The following NANOS1 variants were observed in gnomAD, a reference collection of about 807,000 sequenced individuals.
NANOS1 encodes the protein nanos homolog 1.
Under a neutral mutation model 1.1 loss-of-function variants are expected in NANOS1, and 1 was observed. That is an observed-to-expected ratio of 0.88 (90% CI 0.31 to 4.20). NANOS1 has a LOEUF of 4.20. Among genes scored for constraint, NANOS1 ranks in the 30% most tolerant of loss-of-function variants. The pLI, the probability that NANOS1 is intolerant of heterozygous loss-of-function variation, is 0.17. For synonymous variants in NANOS1, 252 were observed against 230.6 expected (o/e 1.09, Z -0.84); for missense variants, 537 against 457.9 (o/e 1.17, Z -1.58).
Position 119,033,066 on chromosome 10 carries a change from G to A in NANOS1, c.*2386G>A. ...CAAAAATTAGCCGGGTGGTGTGGTG[G>A]GCGCCTGTAATCCCAGCTCCTCAGG... On this transcript the variant is annotated 3_prime_UTR_variant, in exon 1 of 1. Coordinates refer to ENST00000425699, the MANE Select transcript of NANOS1 (RefSeq NM_199461.4). 1 of 165,382 alleles carries A rather than the reference G, an allele frequency of 6.0e-6. No individual in the cohort carries two copies. The allele number at this position is 165,382 out of a possible 1,614,324, so 10.2% of individuals were successfully genotyped here.
At position 119,031,748 on chromosome 10, in the gene NANOS1, A is replaced by G; in HGVS notation, c.*1068A>G. On this transcript the variant is annotated 3_prime_UTR_variant, in exon 1 of 1. Coordinates refer to ENST00000425699, the MANE Select transcript of NANOS1 (RefSeq NM_199461.4). ...TCTAGCTCTGAGCTATTCGTGTATT[A>G]ACTCGTATTCAAGAAGGTTCCACCG... The G allele has an allele frequency of 6.0e-6, 1 of 167,212 alleles. No homozygotes were observed. 10.4% of individuals were successfully genotyped at this position (167,212 alleles called of 1,614,324 possible).
At position 119,030,575 on chromosome 10, in the gene NANOS1, C is replaced by G. The variant is rs774022234; in HGVS notation, c.774C>G (p.Asn258Lys). The G allele has an allele frequency of 1.4e-5, 21 of 1,528,430 alleles. No homozygotes were observed. The highest frequency in any genetic ancestry group is 1.7e-5 in the Non-Finnish European group (19 of 1,142,626). 94.7% of individuals were successfully genotyped at this position (1,528,430 alleles called of 1,614,324 possible). The change falls in exon 1 of 1, where the codon AAC becomes AAG. Residue 258 changes from asparagine to lysine, a missense_variant. Transcript: ENST00000425699. This position sits in a 1 kb window ranked among gnomAD's most constrained non-coding sequence, Gnocchi z 5.3. ...CCCTGTGCGGCGCCAGCGGCGACAACGCGCACACCATCAAGTACTGCCCGC... is the reference window on the plus strand; with the variant it reads ...CCCTGTGCGGCGCCAGCGGCGACAAGGCGCACACCATCAAGTACTGCCCGC... ...TCPLCGASGD[N>K]AHTIKYCPLS... is the part of the protein sequence containing the mutation.
At position 119,030,625 on chromosome 10, in the gene NANOS1, C is replaced by CCCGCCCG; in HGVS notation, c.831_837dup (p.Arg280AlafsTer62). On this transcript the variant is annotated frameshift_variant, in exon 1 of 1. Transcript: ENST00000425699. LOFTEE classifies it high-confidence loss of function. The surrounding 1 kb of genome is among the most constrained non-coding windows in gnomAD (Gnocchi z 5.3). ...CTCTCCAAAGTGCCGCCGCCGCCCG[C>CCCGCCCG]CCGCCCGCCGCCCCGCAGCGCCAGG... The CCCGCCCG allele has an allele frequency of 6.9e-7, 1 of 1,458,786 alleles. No individual in the cohort carries two copies. The highest frequency in any genetic ancestry group is 9.0e-7 in the Non-Finnish European group (1 of 1,105,456). The allele number at this position is 1,458,786 out of a possible 1,614,324, so 90.4% of individuals were successfully genotyped here.
Position 119,033,252 on chromosome 10 carries a change from C to T in NANOS1, c.*2572C>T, listed in dbSNP as rs1405531085. The T allele has an allele frequency of 6.0e-6, 1 of 167,048 alleles. No homozygotes were observed. The highest frequency in any genetic ancestry group is 2.4e-5 in the African/African-American group (1 of 41,440). The allele number at this position is 167,048 out of a possible 1,614,324, so 10.3% of individuals were successfully genotyped here. On this transcript the variant is annotated 3_prime_UTR_variant, in exon 1 of 1. Coordinates refer to ENST00000425699, the MANE Select transcript of NANOS1 (RefSeq NM_199461.4). ...CTGTGCCAAATTTGCCTAGGTTTTC[C>T]AGCTGACAATGAATACTGGGAGTTA...
chr10:119,033,669 CTT>C lies in NANOS1; in HGVS notation c.*2992_*2993del, dbSNP rs1436698734. 1.2e-5 allele frequency: 2 copies of C among 166,444 alleles called. No homozygotes were observed. The highest frequency in any genetic ancestry group is 4.8e-5 in the African/African-American group (2 of 41,444). 10.3% of individuals were successfully genotyped at this position (166,444 alleles called of 1,614,324 possible). ...GAATTATTAGCTTTGATGAGAACAA[CTT>C]TTGTCATAGATTTGATTTATTAAAC... On this transcript the variant is annotated 3_prime_UTR_variant, in exon 1 of 1. Coordinates refer to ENST00000425699, the MANE Select transcript of NANOS1 (RefSeq NM_199461.4).
rs963882180 is a variant in NANOS1, at chr10:119,032,586, G to C, written c.*1906G>C. ...TGCTCGTGTTCTGCCTTTTCAAAAG[G>C]ACCACTATGAACAGATCAGCGCATT... On this transcript the variant is annotated 3_prime_UTR_variant, in exon 1 of 1. Coordinates refer to ENST00000425699, the MANE Select transcript of NANOS1 (RefSeq NM_199461.4). The C allele has an allele frequency of 6.0e-6, 1 of 167,034 alleles. No individual in the cohort carries two copies. Among genetic ancestry groups the C allele is most frequent in the Admixed American group, 6.5e-5 (1 of 15,278 alleles). The allele number at this position is 167,034 out of a possible 1,614,324, so 10.3% of individuals were successfully genotyped here.
rs891813962 is a variant in NANOS1 at position 119,030,970 on chromosome 10, GTTTA to G, written c.*295_*298del. 11 of 332,892 alleles carry G rather than the reference GTTTA, an allele frequency of 3.3e-5. No homozygotes were observed. Among genetic ancestry groups the G allele is most frequent in the African/African-American group, 1.7e-4 (8 of 45,968 alleles). 20.6% of individuals were successfully genotyped at this position (332,892 alleles called of 1,614,324 possible). On this transcript the variant is annotated 3_prime_UTR_variant, in exon 1 of 1. Coordinates refer to ENST00000425699, the MANE Select transcript of NANOS1 (RefSeq NM_199461.4). The surrounding 1 kb of genome is among the most constrained non-coding windows in gnomAD (Gnocchi z 5.3). ...TGAAATATGGCAACTTAGAGGCGCT[GTTTA>G]TTTACTGTATACGTCGACCTATTTT...
rs1211705470 is a variant in NANOS1 at position 119,032,360 on chromosome 10, G to A, written c.*1680G>A. 2 of 166,926 alleles carry A rather than the reference G, an allele frequency of 1.2e-5. No individual in the cohort carries two copies. The highest frequency in any genetic ancestry group is 4.8e-5 in the African/African-American group (2 of 41,466). The allele number at this position is 166,926 out of a possible 1,614,324, so 10.3% of individuals were successfully genotyped here. A position where few individuals can be genotyped will look rare whatever the true frequency, so the allele number is the denominator to read the frequency against. On this transcript the variant is annotated 3_prime_UTR_variant, in exon 1 of 1. Coordinates refer to ENST00000425699, the MANE Select transcript of NANOS1 (RefSeq NM_199461.4). ...AGCACAATGTTTCTTAGCCAGGAAA[G>A]ACAAATAATCCAACGCTGCTAGTCT...
At position 119,030,578 on chromosome 10, in the gene NANOS1, G is replaced by T; in HGVS notation, c.777G>T (p.Ala259=). ...CPLCGASGDN[A]HTIKYCPLSK... is the part of the protein sequence containing the mutation. ...TGTGCGGCGCCAGCGGCGACAACGC[G>T]CACACCATCAAGTACTGCCCGCTCT... Residue 259 remains alanine, a synonymous_variant, in exon 1 of 1, where the codon GCG becomes GCT. Transcript: ENST00000425699. This position sits in a 1 kb window ranked among gnomAD's most constrained non-coding sequence, Gnocchi z 5.3. The T allele has an allele frequency of 2.0e-6, 3 of 1,527,788 alleles. No homozygotes were observed. Among genetic ancestry groups the T allele is most frequent in the Non-Finnish European group, 1.8e-6 (2 of 1,142,146 alleles). The allele number at this position is 1,527,788 out of a possible 1,614,324, so 94.6% of individuals were successfully genotyped here. A position where few individuals can be genotyped will look rare whatever the true frequency, so the allele number is the denominator to read the frequency against.
In NANOS1 at chr10:119,031,843, G is replaced by A. The variant is rs1393003416; in HGVS notation, c.*1163G>A. ...AAGCACTAATTAAAGGAATTGTTGG[G>A]GGTCCTTCATGTGTTCCCACTCCTA... is the stretch of plus-strand genomic sequence containing the variant. On this transcript the variant is annotated 3_prime_UTR_variant, in exon 1 of 1. Transcript: ENST00000425699. 6.0e-6 allele frequency: 1 copy of A among 167,036 alleles called. No individual in the cohort carries two copies. 10.3% of individuals were successfully genotyped at this position (167,036 alleles called of 1,614,324 possible).
In NANOS1 at chr10:119,031,037, G is replaced by T. The variant is rs1005240084; in HGVS notation, c.*357G>T. On this transcript the variant is annotated 3_prime_UTR_variant, in exon 1 of 1. Transcript: ENST00000425699. ...GTATGAAATTGTCTCAATCTTGGAT[G>T]TTTCATTTTATGAATGGAGGCACTT... 1 of 228,036 alleles carries T rather than the reference G, an allele frequency of 4.4e-6. No homozygotes were observed. The highest frequency in any genetic ancestry group is 2.3e-5 in the African/African-American group (1 of 43,554). The allele number at this position is 228,036 out of a possible 1,614,324, so 14.1% of individuals were successfully genotyped here.
Position 119,030,389 on chromosome 10 carries a change from C to G in NANOS1, c.588C>G (p.His196Gln). ...CGTGGGCGGCCGAGCCCCGGCTGCA[C>G]GCGGCCTCCGGGGCGGCGGCCGCCC... Reference protein sequence around the residue: ...APAWAAEPRLHAASGAAAARL... With the variant: ...APAWAAEPRLQAASGAAAARL... The change falls in exon 1 of 1, where the codon CAC becomes CAG. Residue 196 changes from histidine (H) to glutamine (Q), a missense_variant. Physicochemically the swap from His to Gln is conservative, Grantham distance 24. Coordinates refer to ENST00000425699, the MANE Select transcript of NANOS1 (RefSeq NM_199461.4). The surrounding 1 kb of genome is among the most constrained non-coding windows in gnomAD (Gnocchi z 5.3). The G allele has an allele frequency of 8.0e-7, 1 of 1,254,086 alleles. No homozygotes were observed. Among genetic ancestry groups the G allele is most frequent in the Middle Eastern group, 2.6e-4 (1 of 3,848 alleles). The allele number at this position is 1,254,086 out of a possible 1,614,324, so 77.7% of individuals were successfully genotyped here. A position where few individuals can be genotyped will look rare whatever the true frequency, so the allele number is the denominator to read the frequency against.
Position 119,030,102 on chromosome 10 carries a change from G to A in NANOS1, c.301G>A (p.Gly101Arg), listed in dbSNP as rs1848019956. The change falls in exon 1 of 1, where the codon GGG becomes AGG. Residue 101 changes from glycine (G) to arginine (R), a missense_variant. By Grantham distance (125) the Gly-to-Arg change is moderately radical. Transcript: ENST00000425699. The surrounding 1 kb of genome is among the most constrained non-coding windows in gnomAD (Gnocchi z 5.3). ...AGPGALGPAL[G>R]PPDYDEDDDD... ...GCCTGGGGCGCTGGGGCCGGCGCTG[G>A]GGCCGCCCGACTACGACGAGGACGA... 7.6e-7 allele frequency: 1 copy of A among 1,322,380 alleles called. No individual in the cohort carries two copies. The highest frequency in any genetic ancestry group is 9.6e-7 in the Non-Finnish European group (1 of 1,041,626). 81.9% of individuals were successfully genotyped at this position (1,322,380 alleles called of 1,614,324 possible).
chr10:119,029,849 C>T lies in NANOS1; in HGVS notation c.48C>T (p.Ala16=), dbSNP rs1475280547. Residue 16 remains alanine, a synonymous_variant, in exon 1 of 1, where the codon GCC becomes GCT. Transcript: ENST00000425699. ...CCCGCTCGCCCCGCCGCGGCCGCGC[C>T]CCCCCGCCCATGGCGCTCGTGCCCA... ...WAPRSPRRGR[A]PPPMALVPSA... 13 of 1,219,456 alleles carry T rather than the reference C, an allele frequency of 1.1e-5. No homozygotes were observed. In the South Asian group the frequency reaches 2.3e-4, roughly 22 times the overall value. 75.5% of individuals were successfully genotyped at this position (1,219,456 alleles called of 1,614,324 possible).
rs1848048437 is a variant in NANOS1, at chr10:119,031,463, G to A, written c.*783G>A. 6.0e-6 allele frequency: 1 copy of A among 167,034 alleles called. No homozygotes were observed. Among genetic ancestry groups the A allele is most frequent in the South Asian group, 2.1e-4 (1 of 4,826 alleles). The allele number at this position is 167,034 out of a possible 1,614,324, so 10.3% of individuals were successfully genotyped here. ...GTCATAATCATATTGTGTATAACTT[G>A]GAAATGGTGCTGTTTAAAAAAATTG... On this transcript the variant is annotated 3_prime_UTR_variant, in exon 1 of 1. Transcript: ENST00000425699.
Position 119,030,626 on chromosome 10 carries a change from C to T in NANOS1, c.825C>T (p.Ala275=), listed in dbSNP as rs758440597. 2.8e-6 allele frequency: 4 copies of T among 1,453,108 alleles called. No individual in the cohort carries two copies. In the Admixed American group the frequency reaches 6.8e-5, roughly 25 times the overall value. 90.0% of individuals were successfully genotyped at this position (1,453,108 alleles called of 1,614,324 possible). A position where few individuals can be genotyped will look rare whatever the true frequency, so the allele number is the denominator to read the frequency against. Residue 275 remains alanine, a synonymous_variant, in exon 1 of 1, where the codon GCC becomes GCT. Transcript: ENST00000425699. The surrounding 1 kb of genome is among the most constrained non-coding windows in gnomAD (Gnocchi z 5.3). ...CPLSKVPPPP[A]RPPPRSARDG... ...TCTCCAAAGTGCCGCCGCCGCCCGCCCGCCCGCCGCCCCGCAGCGCCAGGG... is the reference window on the plus strand; with the variant it reads ...TCTCCAAAGTGCCGCCGCCGCCCGCTCGCCCGCCGCCCCGCAGCGCCAGGG...
In NANOS1 at chr10:119,030,042, T is replaced by TC; in HGVS notation, c.242dup (p.Ser82ValfsTer258). 1.5e-6 allele frequency: 2 copies of TC among 1,366,282 alleles called. No homozygotes were observed. The highest frequency in any genetic ancestry group is 1.9e-6 in the Non-Finnish European group (2 of 1,059,484). 84.6% of individuals were successfully genotyped at this position (1,366,282 alleles called of 1,614,324 possible). A position where few individuals can be genotyped will look rare whatever the true frequency, so the allele number is the denominator to read the frequency against. ...CGGCGGCTCCCCGCCCTCCTCCTCC[T>TC]CGTCGTCCTGCTGCTCCCCCCACAC... On this transcript the variant is annotated frameshift_variant, in exon 1 of 1. Transcript: ENST00000425699. LOFTEE classifies it low-confidence loss of function (END_TRUNC). This position sits in a 1 kb window ranked among gnomAD's most constrained non-coding sequence, Gnocchi z 5.3.
rs764077040 is a variant in NANOS1 at position 119,030,639 on chromosome 10, C to A, written c.838C>A (p.Arg280Ser). ...GCCGCCGCCCGCCCGCCCGCCGCCCCGCAGCGCCAGGGACGGCCCGCCTGG... is the reference window on the plus strand; with the variant it reads ...GCCGCCGCCCGCCCGCCCGCCGCCCAGCAGCGCCAGGGACGGCCCGCCTGG... Reference protein sequence around the residue: ...VPPPPARPPPRSARDGPPGKK... With the variant: ...VPPPPARPPPSSARDGPPGKK... Residue 280 changes from arginine to serine, a missense_variant, in exon 1 of 1, where the codon CGC (arginine) becomes AGC (serine). By Grantham distance (110) the Arg-to-Ser change is moderately radical. Transcript: ENST00000425699. The surrounding 1 kb of genome is among the most constrained non-coding windows in gnomAD (Gnocchi z 5.3). 2 of 1,437,272 alleles carry A rather than the reference C, an allele frequency of 1.4e-6. No homozygotes were observed. The highest frequency in any genetic ancestry group is 1.8e-6 in the Non-Finnish European group (2 of 1,093,484). The allele number at this position is 1,437,272 out of a possible 1,614,324, so 89.0% of individuals were successfully genotyped here. A position where few individuals can be genotyped will look rare whatever the true frequency, so the allele number is the denominator to read the frequency against.
In NANOS1 at chr10:119,032,613, TCTAGGCCA is replaced by T. The variant is rs1848067685; in HGVS notation, c.*1934_*1941del. ...CCACTATGAACAGATCAGCGCATTC[TCTAGGCCA>T]AAAGGGCTAGCCAGGTGGCAAGATC... On this transcript the variant is annotated 3_prime_UTR_variant, in exon 1 of 1. Coordinates refer to ENST00000425699, the MANE Select transcript of NANOS1 (RefSeq NM_199461.4). 1.2e-5 allele frequency: 2 copies of T among 167,126 alleles called. No individual in the cohort carries two copies. Among genetic ancestry groups the T allele is most frequent in the Non-Finnish European group, 2.9e-5 (2 of 68,140 alleles). 10.4% of individuals were successfully genotyped at this position (167,126 alleles called of 1,614,324 possible).
Sources: gnomAD v4.1 joint callset for allele counts on GRCh38, gnomAD v4.1.1 for gene constraint, Gnocchi (gnomAD v3.1) non-coding constraint, MANE v1.5 for transcripts, NCBI Gene and HGNC (gene_info 2026-07-23, HGNC 2026-07-21) for gene names.